Variants in NCBP2 observed in about 807,000 individuals in gnomAD.
NCBP2 encodes the protein nuclear cap-binding protein subunit 2.
Under a neutral mutation model 21.5 loss-of-function variants are expected in NCBP2, and 8 were observed. The ratio of observed to expected loss-of-function variants is 0.37; its 90% CI spans 0.22 to 0.67. The LOEUF (loss-of-function observed/expected upper bound fraction) is 0.67, where lower values mean the gene tolerates loss of function less well. NCBP2 is among the 30% of genes least tolerant of loss of function. The pLI, the probability that NCBP2 is intolerant of heterozygous loss-of-function variation, is 0.56. For synonymous variants in NCBP2, 92 were observed against 75.8 expected (o/e 1.21, Z -1.11); for missense variants, 127 against 206.9 (o/e 0.61, Z 2.37).
intron 1 of NCBP2, chr3:196,942,197 G>A (rs1716622945): frequency 6.9e-7 from 1 of 1,454,488 alleles, no homozygotes; most frequent in Non-Finnish European, 9.0e-7. Context: ...GCGGCTGCGA[G>A]CGAATGGGAT....
chr3:196,938,847 A>T (rs1489602727), intron 2 of NCBP2: 2 of 155,728 alleles, frequency 1.3e-5, no homozygotes, highest in African/African-American at 4.8e-5. Flanking sequence ...AAAAAATAAA[A>T]AAATGATTTT....
At position 196,937,091 on chromosome 3, in the gene NCBP2, G is replaced by C; in HGVS notation, c.400-9C>G. On this transcript the variant is annotated splice_polypyrimidine_tract_variant and intron_variant, in intron 3 of 3. Coordinates refer to ENST00000321256, the MANE Select transcript of NCBP2 (RefSeq NM_007362.5). ...CGATACTCATCCCGAACCTTTAATG[G>C]AAAGAATCCAGAGTTACAGTATGGA... 1.2e-6 allele frequency: 2 copies of C among 1,613,782 alleles called. No individual in the cohort carries two copies. Among genetic ancestry groups the C allele is most frequent in the Middle Eastern group, 1.7e-4 (1 of 6,060 alleles).
intron 3 of NCBP2, 25 bp from the exon 4 acceptor site, chr3:196,937,107 AC>A (rs1220417770): frequency 6.2e-7 from 1 of 1,608,752 alleles, no homozygotes; most frequent in East Asian, 2.2e-5. Flanking sequence ...ATCCAGAGTT[AC>A]AGTATGGAAA....
rs752643820 is a variant in NCBP2, at chr3:196,942,505, G to A, written c.-2C>T. The stretch of plus-strand genomic sequence containing the variant: ...CGCCTTCAGGAGGCCACCCGACATA[G>A]TGCAGAGAAGCGGACCACAATGCGG... On this transcript the variant is annotated 5_prime_UTR_variant, in exon 1 of 4. Coordinates refer to ENST00000321256, the MANE Select transcript of NCBP2 (RefSeq NM_007362.5). 2 of 1,612,086 alleles carry A rather than the reference G, an allele frequency of 1.2e-6. No individual in the cohort carries two copies. Among genetic ancestry groups the A allele is most frequent in the Admixed American group, 1.7e-5 (1 of 59,706 alleles).
At chr3:196,937,159 C>T (rs942454727) in intron 3 of NCBP2, 77 bp from the exon 4 acceptor site, 3 of 1,377,070 alleles carry the variant, frequency 2.2e-6, no homozygotes, top group South Asian at 2.3e-5. Flanking sequence ...ACATGTTAGA[C>T]AAACAGTGAA....
chr3:196,942,273 G>A, intron 1 of NCBP2, 153 bp downstream of exon 1: 4 of 1,498,806 alleles, frequency 2.7e-6, no homozygotes, highest in Middle Eastern at 1.7e-4. Flanking sequence ...CGCCCTTCCA[G>A]CACCCATTCC....
chr3:196,936,640 T>C lies in NCBP2; in HGVS notation c.*371A>G. The C allele has an allele frequency of 4.9e-6, 1 of 206,030 alleles. No individual in the cohort carries two copies. The highest frequency in any genetic ancestry group is 1.3e-4 in the East Asian group (1 of 7,664). 12.8% of individuals were successfully genotyped at this position (206,030 alleles called of 1,614,324 possible). ...TTAAAAAAATAATCCCAGGCCCCAA[T>C]GTAGATCATGAACCTACTTAAGACT... On this transcript the variant is annotated 3_prime_UTR_variant, in exon 4 of 4. Transcript: ENST00000321256.
rs1716324948 is a variant in NCBP2 at position 196,937,596 on chromosome 3, G to A, written c.313C>T (p.Arg105Cys). The A allele has an allele frequency of 1.2e-6, 2 of 1,614,056 alleles. No individual in the cohort carries two copies. Among genetic ancestry groups the A allele is most frequent in the Non-Finnish European group, 1.7e-6 (2 of 1,180,046 alleles). Residue 105 changes from arginine to cysteine, a missense_variant, in exon 3 of 4, where the codon CGT becomes TGT. Transcript: ENST00000321256. ...ENAMRYINGT[R>C]LDDRIIRTDW... The stretch of plus-strand genomic sequence containing the variant: ...GTGCGAATGATTCGGTCATCCAGAC[G>A]CGTCCCATTTATGTACCGCATGGCG...
chr3:196,942,188 C>G (rs1209816975), intron 1 of NCBP2: 3 of 1,454,204 alleles, frequency 2.1e-6, no homozygotes, highest in Non-Finnish European at 2.7e-6. Context: ...GTACAGGGAG[C>G]GGCTGCGAGC....
At position 196,937,021 on chromosome 3, in the gene NCBP2, T is replaced by C; in HGVS notation, c.461A>G (p.Gln154Arg). The C allele has an allele frequency of 6.2e-7, 1 of 1,614,198 alleles. No individual in the cohort carries two copies. The highest frequency in any genetic ancestry group is 8.5e-7 in the Non-Finnish European group (1 of 1,180,022). ...AGRGGYGKLA[Q>R]NQ ...CAGAGCTCTCACCACTCACTGGTTC[T>C]GTGCCAGTTTTCCATAGCCTCCTCT... The change falls in exon 4 of 4, where the codon CAG becomes CGG. Residue 154 changes from glutamine to arginine, a missense_variant. Transcript: ENST00000321256.
At chr3:196,942,307 GC>G in intron 1 of NCBP2, 118 bp downstream of exon 1, 1 of 1,526,532 alleles carries the variant, frequency 6.6e-7, no homozygotes, top group Middle Eastern at 1.7e-4. Flanking sequence ...AGGCACCGGG[GC>G]CCCACTTGGC....
intron 1 of NCBP2, chr3:196,940,271 C>G (rs994264518): frequency 6.6e-6 from 1 of 152,230 alleles, no homozygotes; most frequent in African/African-American, 2.4e-5. Context: ...ACTCGGGAGG[C>G]TGAAGCAGGA....
At chr3:196,941,461 A>G (rs1203781784) in intron 1 of NCBP2, 2 of 162,364 alleles carry the variant, frequency 1.2e-5, no homozygotes, top group East Asian at 1.8e-4. Context: ...CTCTAGTAAC[A>G]CATTTCACAC....
intron 1 of NCBP2, 137 bp from the exon 2 acceptor site, chr3:196,939,569 G>A (rs1716429880): frequency 1.4e-6 from 1 of 719,670 alleles, no homozygotes. Context: ...GAAATCCCTT[G>A]CCCAAAAAGG....
chr3:196,941,695 T>G, intron 1 of NCBP2: 1 of 562,964 alleles, frequency 1.8e-6, no homozygotes, highest in Non-Finnish European at 3.1e-6. Flanking sequence ...CCCCCAACCG[T>G]ATTCCATCCC....
At chr3:196,941,814 C>T in intron 1 of NCBP2, 1 of 1,231,142 alleles carries the variant, frequency 8.1e-7, no homozygotes, top group Non-Finnish European at 1.1e-6. Flanking sequence ...TTCTGAAATC[C>T]AGCAATTCTC....
rs774774136 is a variant in NCBP2 at position 196,939,358 on chromosome 3, T to G, written c.153A>C (p.Thr51=). Residue 51 remains threonine, a synonymous_variant, in exon 2 of 4, where the codon ACA becomes ACC. Transcript: ENST00000321256. ...AGAGTTCATAGATTTGTTCTTCAGT[T>G]GTGTAAAAAGAAAGATTTCCAACAT... ...TLYVGNLSFY[T]TEEQIYELFS... is the part of the protein sequence containing the mutation. The G allele has an allele frequency of 9.9e-6, 16 of 1,613,002 alleles. No individual in the cohort carries two copies. The highest frequency in any genetic ancestry group is 1.1e-5 in the Non-Finnish European group (13 of 1,178,972).
At chr3:196,941,003 G>C (rs1057021391) in intron 1 of NCBP2, 1 of 152,260 alleles carries the variant, frequency 6.6e-6, no homozygotes. Context: ...CTTAGGCTCA[G>C]GAGGTTGAGG....
At chr3:196,938,851 T>A (rs1189656094) in intron 2 of NCBP2, 4 of 156,174 alleles carry the variant, frequency 2.6e-5, no homozygotes, top group Admixed American at 2.0e-4. Flanking sequence ...AATAAAAAAA[T>A]GATTTTAAAA....
Sources: allele counts gnomAD v4.1 joint callset, GRCh38; gene constraint gnomAD v4.1.1; transcripts MANE v1.5; gene names NCBI Gene and HGNC (gene_info 2026-07-23, HGNC 2026-07-21).